C1orf146: variants seen among roughly 807,000 people sequenced by gnomAD.
C1orf146 encodes protein SPO16 homolog.
In C1orf146, 22 loss-of-function variants were observed where a neutral mutation model predicts 23.0. That is an observed-to-expected ratio of 0.96 (90% CI 0.68 to 1.36). C1orf146 has a LOEUF of 1.36. Ranked by LOEUF, C1orf146 falls within the 40% of genes most tolerant of loss-of-function variation. The probability of loss-of-function intolerance (pLI) is 0.00; values close to 1 mark genes in which losing one functional copy is unlikely to be tolerated. For synonymous variants in C1orf146, 59 were observed against 65.3 expected (o/e 0.90, Z 0.47); for missense variants, 199 against 206.8 (o/e 0.96, Z 0.23).
In C1orf146 at chr1:92,228,411, A is replaced by AT. The variant is rs1652021877; in HGVS notation, c.-39-2964dup. 3.9e-5 allele frequency among the ~76,000 whole-genome samples: 6 copies of AT among 152,118 alleles called. No individual in the cohort carries two copies. The South Asian group carries it at 8.3e-4, about 21-fold the overall frequency. On this transcript the variant is annotated intron_variant, in intron 1 of 5. Transcript: ENST00000370375. Reference sequence around the variant, plus strand: ...TTCTTAACTCTTTGTATGCCTGGGTATTTTTTTATTGTGTGCTGGGTGTTA... The same window carrying AT: ...TTCTTAACTCTTTGTATGCCTGGGTATTTTTTTTATTGTGTGCTGGGTGTTA...
At position 92,244,255 on chromosome 1, in the gene C1orf146, C is replaced by A; in HGVS notation, c.199C>A (p.Leu67Met). The A allele has an allele frequency of 6.2e-7, 1 of 1,603,632 alleles. No homozygotes were observed. The highest frequency in any genetic ancestry group is 8.5e-7 in the Non-Finnish European group (1 of 1,172,834). The change falls in exon 4 of 6, where the codon CTG (leucine) becomes ATG (methionine). Residue 67 changes from leucine to methionine, a missense_variant. Coordinates refer to ENST00000370375, the MANE Select transcript of C1orf146 (RefSeq NM_001012425.2). ...ATTAATGGATACTAAGGAATGTCTT[C>A]TGTCAACTGAAGAAATATTTCTAGC... ...FLLMDTKECL[L>M]STEEIFLAKI...
intron 4 of C1orf146, 87 bp downstream of exon 4, chr1:92,244,472 A>G: frequency 2.9e-6 from 3 of 1,035,566 alleles, no homozygotes; most frequent in Non-Finnish European, 4.2e-6. Context: ...TTGTTTTGCT[A>G]GATGATGAAC....
chr1:92,243,584 A>C (rs952168935), intron 3 of C1orf146, among the ~76,000 whole-genome samples: 3 of 152,108 alleles, frequency 2.0e-5, no homozygotes, highest in Non-Finnish European at 4.4e-5. Flanking sequence ...TGACTTTGTG[A>C]TCCGCCCACC....
At chr1:92,222,339 T>C (rs1651840410) in intron 1 of C1orf146, among the ~76,000 whole-genome samples, 1 of 151,306 alleles carries the variant, frequency 6.6e-6, no homozygotes, top group Admixed American at 6.6e-5. Context: ...ACAACATGCA[T>C]GTGTATATAT....
chr1:92,237,519 G>C (rs575935714), intron 2 of C1orf146, among the ~76,000 whole-genome samples: 98 of 152,300 alleles, frequency 6.4e-4, no homozygotes, highest in African/African-American at 2.0e-3. Context: ...TGCCCCTACT[G>C]GGGGGTGCCT....
intron 3 of C1orf146, among the ~76,000 whole-genome samples, chr1:92,243,038 C>A (rs993356774): frequency 2.0e-5 from 3 of 152,188 alleles, no homozygotes; most frequent in African/African-American, 7.2e-5. Flanking sequence ...CAGAACCCTC[C>A]AGGGAGAAAT....
At chr1:92,231,270 T>G (rs1486242265) in intron 1 of C1orf146, 112 bp from the exon 2 acceptor site, 1 of 550,626 alleles carries the variant, frequency 1.8e-6, no homozygotes, top group Non-Finnish European at 3.2e-6. Context: ...TGTCAAATTT[T>G]GATGTTCAAA....
intron 3 of C1orf146, among the ~76,000 whole-genome samples, chr1:92,242,585 CA>C (rs1652458141): frequency 6.6e-6 from 1 of 152,180 alleles, no homozygotes; most frequent in Non-Finnish European, 1.5e-5. Context: ...ACTTTCCCAA[CA>C]ATCTATACTT....
chr1:92,224,441 T>A (rs998485841), intron 1 of C1orf146, among the ~76,000 whole-genome samples: 4 of 152,244 alleles, frequency 2.6e-5, no homozygotes, highest in African/African-American at 4.8e-5. Context: ...ATTATTTACC[T>A]AACTCAGGGT....
intron 2 of C1orf146, among the ~76,000 whole-genome samples, chr1:92,236,455 G>A (rs1652278543): frequency 6.6e-6 from 1 of 152,188 alleles, no homozygotes; most frequent in African/African-American, 2.4e-5. Flanking sequence ...CTTCTGGCTT[G>A]TAGAGTTTCT....
At chr1:92,242,886 G>T (rs1652464102) in intron 3 of C1orf146, among the ~76,000 whole-genome samples, 1 of 152,144 alleles carries the variant, frequency 6.6e-6, no homozygotes, top group Admixed American at 6.6e-5. Context: ...TTTTAAAAAG[G>T]TAGAGGTAAA....
chr1:92,225,244 T>C (rs1190663429), intron 1 of C1orf146, among the ~76,000 whole-genome samples: 1 of 151,678 alleles, frequency 6.6e-6, no homozygotes, highest in African/African-American at 2.4e-5. Context: ...TAGCTGGGAC[T>C]AGAGTTGTGT....
chr1:92,233,134 T>C (rs1056679580), intron 2 of C1orf146, among the ~76,000 whole-genome samples: 11 of 152,248 alleles, frequency 7.2e-5, no homozygotes, highest in Non-Finnish European at 1.6e-4. Flanking sequence ...TTTGTCAATT[T>C]TGGCTTTTGT....
chr1:92,234,011 C>G (rs1652205312), intron 2 of C1orf146, among the ~76,000 whole-genome samples: 1 of 152,140 alleles, frequency 6.6e-6, no homozygotes, highest in African/African-American at 2.4e-5. Context: ...AGATTTTGGG[C>G]TGAGACGATG....
chr1:92,237,290 G>T lies in C1orf146; in HGVS notation c.67-4922G>T, dbSNP rs575641288. ...GATGTACAGATGGGTTTTTGGTGTG[G>T]ATGTCCTTTCTGTTTGTTAGTTTTC... On this transcript the variant is annotated intron_variant, in intron 2 of 5. Coordinates refer to ENST00000370375, the MANE Select transcript of C1orf146 (RefSeq NM_001012425.2). Among the ~76,000 whole-genome samples the T allele has an allele frequency of 3.3e-5, 5 of 152,072 alleles. No individual in the cohort carries two copies. In the South Asian group the frequency reaches 1.0e-3, roughly 32 times the overall value.
chr1:92,231,350 C>T, intron 1 of C1orf146, 32 bp from the exon 2 acceptor site: 2 of 1,012,384 alleles, frequency 2.0e-6, no homozygotes, highest in Non-Finnish European at 3.0e-6. Context: ...TCAGATATTT[C>T]TTTGCATTCT....
intron 2 of C1orf146, among the ~76,000 whole-genome samples, chr1:92,232,378 C>G (rs200874886): frequency 6.6e-6 from 1 of 150,948 alleles, no homozygotes; most frequent in Non-Finnish European, 1.5e-5. Flanking sequence ...TTTGTCCTTG[C>G]GATAGTTTGC....
At chr1:92,234,179 G>A (rs990787944) in intron 2 of C1orf146, among the ~76,000 whole-genome samples, 2 of 152,126 alleles carry the variant, frequency 1.3e-5, no homozygotes, top group Non-Finnish European at 2.9e-5. Flanking sequence ...GGGCATCCCT[G>A]TCTTGTGCCA....
At chr1:92,245,489 G>T (rs945384636) in intron 5 of C1orf146, 51 bp from the exon 6 acceptor site, 5 of 1,438,692 alleles carry the variant, frequency 3.5e-6, no homozygotes, top group Non-Finnish European at 4.7e-6. Context: ...GTGACCTTGT[G>T]AAAATACCTT....
Sources: allele counts gnomAD v4.1 joint callset (sites outside exome capture counted in the v4.1 genomes callset), GRCh38; gene constraint gnomAD v4.1.1; transcripts MANE v1.5; gene names NCBI Gene and HGNC (gene_info 2026-07-23, HGNC 2026-07-21).